CYRIB: variants seen among roughly 807,000 people sequenced by gnomAD.
CYRIB encodes the protein CYFIP-related Rac1 interactor B.
A neutral mutation model predicts 44.2 loss-of-function variants in CYRIB; 8 were observed. That is an observed-to-expected ratio of 0.18 (90% CI 0.11 to 0.33). The LOEUF (loss-of-function observed/expected upper bound fraction) is 0.33. Among genes scored for constraint, CYRIB ranks in the 10% least tolerant of loss-of-function variants. CYRIB has a pLI of 1.00. For synonymous variants in CYRIB, 131 were observed against 127.2 expected (o/e 1.03, Z -0.20); for missense variants, 185 against 382.8 (o/e 0.48, Z 4.31).
intron 10 of CYRIB, among the ~76,000 whole-genome samples, chr8:129,848,059 G>C (rs928626694): frequency 6.6e-6 from 1 of 152,080 alleles, no homozygotes; most frequent in African/African-American, 2.4e-5. Flanking sequence ...GCCTGCCTCG[G>C]CCTGCCAAAG....
intron 2 of CYRIB, among the ~76,000 whole-genome samples, chr8:129,887,082 C>T (rs59839253): frequency 0.22 from 33,473 of 152,060 alleles, 4,683 homozygotes; most frequent in East Asian, 0.52. Flanking sequence ...GGGGAAAATG[C>T]CTTGAAGGCA....
At chr8:129,856,900 G>A (rs1043693619) in intron 5 of CYRIB, among the ~76,000 whole-genome samples, 2 of 152,132 alleles carry the variant, frequency 1.3e-5, no homozygotes, top group African/African-American at 2.4e-5. Flanking sequence ...AACATTGTAC[G>A]TAGCCTCTGT....
chr8:129,868,741 A>T (rs1277837912), intron 4 of CYRIB: 1 of 151,860 alleles, frequency 6.6e-6, no homozygotes, highest in Non-Finnish European at 1.5e-5. Context: ...CTACCACTAT[A>T]CTCTATTCCA....
At chr8:129,867,283 C>T (rs1324100142) in intron 4 of CYRIB, among the ~76,000 whole-genome samples, 1 of 146,884 alleles carries the variant, frequency 6.8e-6, no homozygotes, top group East Asian at 1.9e-4. Flanking sequence ...GCCACCACAC[C>T]TGGCTTTTTT....
intron 1 of CYRIB, among the ~76,000 whole-genome samples, chr8:130,011,634 G>A (rs1323155699): frequency 3.3e-5 from 5 of 151,266 alleles, no homozygotes; most frequent in Admixed American, 2.0e-4. Context: ...TAGCAAACAC[G>A]GTAAAACCCC....
chr8:129,906,587 A>C (rs837075), intron 1 of CYRIB, among the ~76,000 whole-genome samples: 81,365 of 151,782 alleles, frequency 0.54, 22,200 homozygotes, highest in African/African-American at 0.64. Context: ...GCAACAAAAG[A>C]CAAAATTGAC....
intron 1 of CYRIB, among the ~76,000 whole-genome samples, chr8:129,913,391 A>G (rs1302178696): frequency 2.6e-5 from 4 of 152,240 alleles, no homozygotes; most frequent in African/African-American, 9.6e-5. Flanking sequence ...GAAGTTGTTC[A>G]ATTAATTGCA....
chr8:130,006,627 T>TACAC lies in CYRIB; in HGVS notation c.-296+9742_-296+9743insGTGT, dbSNP rs372879489. Among the ~76,000 whole-genome samples, 40 of 7,552 alleles carry TACAC rather than the reference T, an allele frequency of 5.3e-3. 4 individuals carry two copies. Among genetic ancestry groups the TACAC allele is most frequent in the Non-Finnish European group, 0.011 (37 of 3,312 alleles). The allele number at this position is 7,552 out of a possible 152,430, so 5.0% of individuals were successfully genotyped here. A position where few individuals can be genotyped will look rare whatever the true frequency, so the allele number is the denominator to read the frequency against. On this transcript the variant is annotated intron_variant, in intron 1 of 14. Transcript: ENST00000401979. ...ATATACATATATATGTGTATATATA[T>TACAC]ACATATATATGTGTATATATATACA...
intron 3 of CYRIB, among the ~76,000 whole-genome samples, chr8:129,877,335 T>C (rs2059423287): frequency 6.6e-6 from 1 of 152,216 alleles, no homozygotes; most frequent in South Asian, 2.1e-4. Flanking sequence ...TTTTTACCTT[T>C]TCCTGTCACT....
intron 1 of CYRIB, among the ~76,000 whole-genome samples, chr8:129,988,519 T>C (rs1253503131): frequency 6.6e-6 from 1 of 152,174 alleles, no homozygotes; most frequent in African/African-American, 2.4e-5. Context: ...TTAGGAGTCT[T>C]AGCAAGCCCA....
At chr8:129,988,218 G>A (rs1462488000) in intron 1 of CYRIB, among the ~76,000 whole-genome samples, 1 of 152,188 alleles carries the variant, frequency 6.6e-6, no homozygotes, top group Non-Finnish European at 1.5e-5. Context: ...TCGATCTTCA[G>A]GGGTACGTAT....
chr8:129,868,323 C>T (rs551327178), intron 4 of CYRIB, among the ~76,000 whole-genome samples: 5 of 152,108 alleles, frequency 3.3e-5, no homozygotes, highest in African/African-American at 1.2e-4. Context: ...GCAGCTTTTC[C>T]GTTTTTTAGC....
At chr8:129,986,524 T>C (rs837229) in intron 1 of CYRIB, among the ~76,000 whole-genome samples, 2,893 of 152,296 alleles carry the variant, frequency 0.019, 45 homozygotes, top group Non-Finnish European at 0.028. Flanking sequence ...GATTCATCCA[T>C]TCATGGATTA....
intron 5 of CYRIB, among the ~76,000 whole-genome samples, chr8:129,859,140 A>G (rs925698806): frequency 4.6e-5 from 7 of 152,202 alleles, no homozygotes; most frequent in African/African-American, 1.7e-4. Context: ...CTCCAATGAT[A>G]GGGAAGGCCA....
At chr8:129,960,741 G>A (rs935606565) in intron 2 of CYRIB, among the ~76,000 whole-genome samples, 1 of 150,414 alleles carries the variant, frequency 6.6e-6, no homozygotes, top group Non-Finnish European at 1.5e-5. Flanking sequence ...CACAAGGTCA[G>A]GAGTTCGAGA....
rs188398131 is a variant in CYRIB, at chr8:129,875,962, A to C, written c.73+3427T>G. Among the ~76,000 whole-genome samples the C allele has an allele frequency of 4.6e-4, 70 of 152,104 alleles. No homozygotes were observed. In the South Asian group the frequency reaches 0.01, roughly 22 times the overall value. ...AACCCCATCTCTACTAAAAATAAAAAAATTAGCTGGGTGTGGTGCTGCATG... is the reference window on the plus strand; with the variant it reads ...AACCCCATCTCTACTAAAAATAAAACAATTAGCTGGGTGTGGTGCTGCATG... On this transcript the variant is annotated intron_variant, in intron 3 of 11. Transcript: ENST00000519824.
chr8:129,904,737 C>T (rs1000969776), intron 1 of CYRIB, among the ~76,000 whole-genome samples, 152 bp from the exon 3 acceptor site: 2 of 152,196 alleles, frequency 1.3e-5, no homozygotes, highest in African/African-American at 4.8e-5. Context: ...CCATATTCCA[C>T]CCAAACTCTC....
chr8:129,958,082 G>C (rs370185155), intron 2 of CYRIB, among the ~76,000 whole-genome samples: 4 of 152,092 alleles, frequency 2.6e-5, no homozygotes, highest in Non-Finnish European at 1.5e-5. Context: ...GCTTGAACCC[G>C]AGAGATGGAG....
chr8:130,010,097 G>C (rs1435532714), intron 1 of CYRIB, among the ~76,000 whole-genome samples: 1 of 152,192 alleles, frequency 6.6e-6, no homozygotes, highest in East Asian at 1.9e-4. Flanking sequence ...AAAGGATGCT[G>C]GTGCTGGGAG....
Sources: allele counts gnomAD v4.1 joint callset (sites outside exome capture counted in the v4.1 genomes callset), GRCh38; gene constraint gnomAD v4.1.1; transcripts MANE v1.5; gene names NCBI Gene and HGNC (gene_info 2026-07-23, HGNC 2026-07-21).